The following WASHC2A variants were observed in gnomAD, a reference collection of about 807,000 sequenced individuals.
WASHC2A encodes the protein WASH complex subunit 2A.
Under a neutral mutation model 140.3 loss-of-function variants are expected in WASHC2A, and 82 were observed. That is an observed-to-expected ratio of 0.58 (90% CI 0.49 to 0.70). The LOEUF (loss-of-function observed/expected upper bound fraction) is 0.70, where lower values mean the gene tolerates loss of function less well. WASHC2A is among the 30% of genes least tolerant of loss of function. The probability of loss-of-function intolerance (pLI) is 0.00; values close to 1 mark genes in which losing one functional copy is unlikely to be tolerated. For synonymous variants in WASHC2A, 340 were observed against 560.8 expected, an observed-to-expected ratio of 0.61 and a Z score of 5.56; for missense variants, 985 against 1,521.8, an observed-to-expected ratio of 0.65 and a Z score of 5.87.
At chr10:50,101,367 C>T (rs1164239101) in intron 17 of WASHC2A, among the ~76,000 whole-genome samples, 1 of 152,310 alleles carries the variant, frequency 6.6e-6, no homozygotes, top group Non-Finnish European at 1.5e-5. Flanking sequence ...TGTGAGGCCT[C>T]CCTGATGAAA....
intron 10 of WASHC2A, among the ~76,000 whole-genome samples, chr10:50,091,730 A>C (rs1331868558): frequency 4.5e-4 from 68 of 152,366 alleles, no homozygotes; most frequent in African/African-American, 1.5e-3. Flanking sequence ...AGAAAAACGT[A>C]CATGTACACA....
intron 8 of WASHC2A, among the ~76,000 whole-genome samples, chr10:50,088,255 T>C (rs1163797036): frequency 6.8e-6 from 1 of 146,740 alleles, no homozygotes; most frequent in Non-Finnish European, 1.5e-5. Flanking sequence ...GATGTAATAA[T>C]GTATTCAATA....
intron 27 of WASHC2A, 105 bp downstream of exon 27, chr10:50,127,327 C>T: frequency 1.3e-6 from 2 of 1,595,488 alleles, no homozygotes; most frequent in Non-Finnish European, 1.7e-6. Flanking sequence ...TCATCTCTTC[C>T]CCCGCCTCCC....
At chr10:50,069,828 T>C (rs1261873685) in intron 3 of WASHC2A, 117 bp downstream of exon 3, 41 of 1,161,126 alleles carry the variant, frequency 3.5e-5, no homozygotes, top group Non-Finnish European at 4.7e-6. Context: ...TCTTGGTAAT[T>C]GTAGCTTTTT....
chr10:50,070,015 G>A (rs1589134508), intron 3 of WASHC2A, among the ~76,000 whole-genome samples: 2 of 152,130 alleles, frequency 1.3e-5, no homozygotes, highest in East Asian at 1.9e-4. Flanking sequence ...TTGTTGTGGC[G>A]TGATCTGTAA....
intron 3 of WASHC2A, among the ~76,000 whole-genome samples, chr10:50,077,467 T>C (rs1838470041): frequency 6.6e-6 from 1 of 152,178 alleles, no homozygotes; most frequent in African/African-American, 2.4e-5. Flanking sequence ...ACATCTCTTT[T>C]ACATGTGCCT....
At chr10:50,083,376 A>T in intron 5 of WASHC2A, among the ~76,000 whole-genome samples, 2 of 113,996 alleles carry the variant, frequency 1.8e-5, no homozygotes, top group Non-Finnish European at 3.5e-5. Context: ...GCTCACCAGA[A>T]TGTTCAGTTT....
rs559812481 is a variant in WASHC2A, at chr10:50,118,210, G to A, written c.2295+152G>A. The A allele has an allele frequency of 8.4e-5, 48 of 572,904 alleles. 1 individual carries two copies. The African/African-American group carries it at 9.1e-4, about 11-fold the overall frequency. 35.5% of individuals were successfully genotyped at this position (572,904 alleles called of 1,614,324 possible). ...TAGACAAGCAGGCTGTGTCCCCACA[G>A]TGCAGGAAGCCTCTGCAGGGCCTTT... On this transcript the variant is annotated intron_variant, in intron 22 of 30. Transcript: ENST00000282633.
intron 18 of WASHC2A, among the ~76,000 whole-genome samples, chr10:50,106,067 G>A (rs1440934614): frequency 2.0e-5 from 3 of 151,784 alleles, no homozygotes; most frequent in African/African-American, 7.3e-5. Context: ...GTTTCTCCTT[G>A]TACTTCATGA....
At chr10:50,127,523 A>G in intron 27 of WASHC2A, 60 bp from the exon 28 acceptor site, 3 of 1,611,374 alleles carry the variant, frequency 1.9e-6, no homozygotes, top group African/African-American at 1.3e-5. Context: ...ATGTGTCACA[A>G]TAAAGATAAT....
chr10:50,097,297 A>G (rs1253026138), intron 15 of WASHC2A, among the ~76,000 whole-genome samples: 6 of 151,832 alleles, frequency 4.0e-5, no homozygotes, highest in Admixed American at 6.6e-5. Context: ...TTTTTTTAAA[A>G]CAGGAGCCAA....
chr10:50,095,336 T>G, intron 14 of WASHC2A, 129 bp downstream of exon 14: 1 of 918,084 alleles, frequency 1.1e-6, no homozygotes, highest in East Asian at 2.6e-5. Flanking sequence ...TTTGAGCATC[T>G]TATAGAAAGA....
rs1554894966 is a variant in WASHC2A, at chr10:50,126,190, C to T, written c.2811+11C>T. The T allele has an allele frequency of 5.0e-6, 8 of 1,612,910 alleles. No individual in the cohort carries two copies. In the South Asian group the frequency reaches 8.8e-5, roughly 18 times the overall value. On this transcript the variant is annotated intron_variant, in intron 26 of 30. Transcript: ENST00000282633. ...CCGGAAACACCTCAGGTTAGAAATC[C>T]TCTTTAAGGATTTTCAGCTCTTGTT... is the stretch of plus-strand genomic sequence containing the variant.
intron 28 of WASHC2A, among the ~76,000 whole-genome samples, chr10:50,128,760 A>T (rs1199712773): frequency 3.9e-5 from 6 of 152,188 alleles, no homozygotes; most frequent in Non-Finnish European, 7.3e-5. Flanking sequence ...GCTTCTCAAA[A>T]TTCTACTTGA....
chr10:50,130,068 T>G, intron 29 of WASHC2A, 29 bp downstream of exon 29: 1 of 1,611,596 alleles, frequency 6.2e-7, no homozygotes, highest in Admixed American at 1.7e-5. Flanking sequence ...TTTTTGTGTC[T>G]GTTCTAAGTT....
chr10:50,075,121 A>G (rs1320489915), intron 3 of WASHC2A, among the ~76,000 whole-genome samples: 4 of 151,938 alleles, frequency 2.6e-5, no homozygotes, highest in Admixed American at 1.3e-4. Context: ...TATTTAACCC[A>G]TCTTTGAGAC....
Position 50,127,156 on chromosome 10 carries a change from A to C in WASHC2A, c.2812-4A>C. 1 of 1,612,082 alleles carries C rather than the reference A, an allele frequency of 6.2e-7. No homozygotes were observed. The highest frequency in any genetic ancestry group is 1.1e-5 in the South Asian group (1 of 90,996). On this transcript the variant is annotated splice_polypyrimidine_tract_variant and splice_region_variant and intron_variant, in intron 26 of 30. Coordinates refer to ENST00000282633, the MANE Select transcript of WASHC2A (RefSeq NM_001005751.3). Reference sequence around the variant, plus strand: ...GATTTTTAACTGGATGTAATTTTACACAGGACTCATCAGGTCTCGCTCCAT... The same window carrying C: ...GATTTTTAACTGGATGTAATTTTACCCAGGACTCATCAGGTCTCGCTCCAT...
chr10:50,101,159 A>T (rs1841112272), intron 17 of WASHC2A, among the ~76,000 whole-genome samples: 1 of 152,310 alleles, frequency 6.6e-6, no homozygotes, highest in Admixed American at 6.5e-5. Context: ...GAGTGTACAA[A>T]ACGTAGGAAT....
At chr10:50,102,514 C>T (rs1283329506) in intron 17 of WASHC2A, among the ~76,000 whole-genome samples, 2 of 152,060 alleles carry the variant, frequency 1.3e-5, no homozygotes, top group African/African-American at 2.4e-5. Context: ...AGGAGGGACA[C>T]GGGATGCCTG....
Sources: allele counts gnomAD v4.1 joint callset (sites outside exome capture counted in the v4.1 genomes callset), GRCh38; gene constraint gnomAD v4.1.1; transcripts MANE v1.5; gene names NCBI Gene and HGNC (gene_info 2026-07-23, HGNC 2026-07-21).